Variants in CCDC171 observed in about 807,000 individuals in gnomAD.
The protein encoded by CCDC171 is coiled-coil domain containing 171, also known as coiled-coil domain-containing protein 171.
A neutral mutation model predicts 168.2 loss-of-function variants in CCDC171; 177 were observed. The observed-to-expected ratio is 1.05, with a 90% CI of 0.93 to 1.19. The LOEUF is 1.19. Ranked by LOEUF, CCDC171 falls within the 50% of genes most tolerant of loss-of-function variation. CCDC171 has a pLI of 0.00. For synonymous variants in CCDC171, 687 were observed against 540.8 expected, an observed-to-expected ratio of 1.27 and a Z score of -3.75; for missense variants, 1,991 against 1,539.0, an observed-to-expected ratio of 1.29 and a Z score of -4.91.
chr9:15,835,559 C>T (rs2060407296), intron 21 of CCDC171, among the ~76,000 whole-genome samples: 1 of 152,042 alleles, frequency 6.6e-6, no homozygotes, highest in African/African-American at 2.4e-5. Flanking sequence ...TCCCAGGTAG[C>T]TGGGATTACA....
intron 6 of CCDC171, among the ~76,000 whole-genome samples, chr9:15,596,464 C>G (rs79873993): frequency 4.6e-4 from 66 of 142,950 alleles, no homozygotes; most frequent in East Asian, 4.4e-3. Flanking sequence ...TAGATGTGTG[C>G]TATTATTTCT....
chr9:15,946,497 A>G (rs1231443386), intron 25 of CCDC171, among the ~76,000 whole-genome samples: 1 of 152,112 alleles, frequency 6.6e-6, no homozygotes, highest in East Asian at 2.0e-4. Context: ...AGAACTACAA[A>G]CCACTGCTCA....
intron 17 of CCDC171, 36 bp downstream of exon 17, chr9:15,744,813 A>T (rs553319052): frequency 1.9e-6 from 3 of 1,583,580 alleles, no homozygotes; most frequent in Non-Finnish European, 2.6e-6. Flanking sequence ...TATAAGTTGC[A>T]TGTAAGCGAA....
chr9:15,878,406 T>C (rs1316090975), intron 24 of CCDC171, among the ~76,000 whole-genome samples: 1 of 150,274 alleles, frequency 6.7e-6, no homozygotes, highest in East Asian at 1.9e-4. Flanking sequence ...ATTAGAGAAA[T>C]GCCAATCAAA....
chr9:15,728,039 A>T lies in CCDC171; in HGVS notation c.1860+3A>T, dbSNP rs747242778. ...ACCTCAACAGGGCTAATGAGAAGGT[A>T]ACTGTCCTCAGGCACCAGATACCTC... On this transcript the variant is annotated splice_donor_region_variant and intron_variant, in intron 15 of 25. Coordinates refer to ENST00000380701, the MANE Select transcript of CCDC171 (RefSeq NM_173550.4). The T allele has an allele frequency of 5.6e-6, 9 of 1,607,374 alleles. No individual in the cohort carries two copies. In the South Asian group the frequency reaches 7.8e-5, roughly 14 times the overall value.
intron 16 of CCDC171, among the ~76,000 whole-genome samples, chr9:15,742,506 G>C (rs773925619): frequency 2.0e-5 from 3 of 152,146 alleles, no homozygotes; most frequent in Non-Finnish European, 4.4e-5. Context: ...TTTCCTTGAA[G>C]TGTGCCTGCT....
chr9:15,561,965 T>G (rs114103080), intron 1 of CCDC171, among the ~76,000 whole-genome samples: 1 of 152,110 alleles, frequency 6.6e-6, no homozygotes, highest in African/African-American at 2.4e-5. Context: ...GCCATGTGGC[T>G]TCTTCCATGG....
rs531893897 is a variant in CCDC171, at chr9:15,591,631, T to C, written c.543+75T>C. On this transcript the variant is annotated intron_variant, in intron 5 of 25. Transcript: ENST00000380701. Reference sequence around the variant, plus strand: ...ATGTGTTGTACATTACTTGAAGTTATCCTGGATTTCCTTCCTTCCTTTTTC... The same window carrying C: ...ATGTGTTGTACATTACTTGAAGTTACCCTGGATTTCCTTCCTTCCTTTTTC... 1.2e-5 allele frequency: 10 copies of C among 832,866 alleles called. No individual in the cohort carries two copies. The Admixed American group carries it at 3.0e-4, about 25-fold the overall frequency. The allele number at this position is 832,866 out of a possible 1,614,324, so 51.6% of individuals were successfully genotyped here.
At chr9:15,558,169 T>A (rs1436543166) in intron 1 of CCDC171, among the ~76,000 whole-genome samples, 3 of 151,980 alleles carry the variant, frequency 2.0e-5, no homozygotes, top group South Asian at 4.1e-4. Context: ...TTTGCATCAA[T>A]GTTCATCAGG....
chr9:15,668,826 A>T (rs987975105), intron 9 of CCDC171, among the ~76,000 whole-genome samples: 5 of 152,106 alleles, frequency 3.3e-5, no homozygotes, highest in African/African-American at 1.2e-4. Context: ...GAATTTTTTA[A>T]ATATTTTTTA....
chr9:16,021,543 C>T (rs974164822), intron 4 of CCDC171, among the ~76,000 whole-genome samples: 1 of 152,176 alleles, frequency 6.6e-6, no homozygotes, highest in Non-Finnish European at 1.5e-5. Flanking sequence ...GGAATCAAAA[C>T]CAGTTTCTGC....
chr9:15,771,989 C>T (rs1396603862), intron 18 of CCDC171, among the ~76,000 whole-genome samples: 3 of 152,094 alleles, frequency 2.0e-5, no homozygotes, highest in Non-Finnish European at 4.4e-5. Flanking sequence ...TGTGCCACCA[C>T]ATTCAGCTAA....
intron 6 of CCDC171, among the ~76,000 whole-genome samples, chr9:15,609,911 T>C (rs888507817): frequency 3.9e-5 from 6 of 152,192 alleles, no homozygotes; most frequent in African/African-American, 1.4e-4. Context: ...ATTGCATTTA[T>C]AGATCATTTT....
chr9:15,631,965 C>G (rs1426487156), intron 7 of CCDC171, among the ~76,000 whole-genome samples: 3 of 152,166 alleles, frequency 2.0e-5, no homozygotes, highest in Non-Finnish European at 2.9e-5. Context: ...TGACAAAATT[C>G]AACAACCCTT....
At chr9:15,719,445 A>AGAGAGAGAGAGG (rs1554776019) in intron 11 of CCDC171, among the ~76,000 whole-genome samples, 2 of 62,432 alleles carry the variant, frequency 3.2e-5, no homozygotes, top group Non-Finnish European at 6.5e-5. Context: ...AGAGAGAGAG[A>AGAGAGAGAGAGG]GAAAGTTTAT....
chr9:15,661,290 A>C (rs57737885), intron 8 of CCDC171, among the ~76,000 whole-genome samples: 2 of 52,718 alleles, frequency 3.8e-5, no homozygotes, highest in Admixed American at 3.6e-4. Context: ...AAAAAAAAAA[A>C]AAAAAAAAAA....
intron 3 of CCDC171, among the ~76,000 whole-genome samples, chr9:16,008,233 A>T (rs1453963575): frequency 6.6e-6 from 1 of 151,974 alleles, no homozygotes; most frequent in African/African-American, 2.4e-5. Flanking sequence ...ACTTTCATCT[A>T]TTTTGAGTTA....
intron 10 of CCDC171, among the ~76,000 whole-genome samples, chr9:15,690,690 A>C: frequency 6.6e-6 from 1 of 152,042 alleles, no homozygotes; most frequent in East Asian, 1.9e-4. Flanking sequence ...TTTTGTTTTA[A>C]GAATATATTA....
At chr9:15,774,372 G>T (rs2057189651) in intron 18 of CCDC171, among the ~76,000 whole-genome samples, 1 of 148,820 alleles carries the variant, frequency 6.7e-6, no homozygotes, top group Non-Finnish European at 1.5e-5. Context: ...ACATCACTAA[G>T]ATCGGGAAAT....
Sources: allele counts gnomAD v4.1 joint callset (sites outside exome capture counted in the v4.1 genomes callset), GRCh38; gene constraint gnomAD v4.1.1; transcripts MANE v1.5; gene names NCBI Gene and HGNC (gene_info 2026-07-23, HGNC 2026-07-21).